The following LAS1L variants were observed in gnomAD, a reference collection of about 807,000 sequenced individuals.
LAS1L encodes the protein LAS1 like ribosome biogenesis factor.
Under a neutral mutation model 57.3 loss-of-function variants are expected in LAS1L, and 5 were observed. The observed-to-expected ratio is 0.09, with a 90% CI of 0.05 to 0.18. The LOEUF (loss-of-function observed/expected upper bound fraction) is 0.18. Among genes scored for constraint, LAS1L ranks in the 10% least tolerant of loss-of-function variants. The pLI, the probability that LAS1L is intolerant of heterozygous loss-of-function variation, is 1.00. For synonymous variants in LAS1L, 245 were observed against 231.7 expected, an observed-to-expected ratio of 1.06 and a Z score of -0.52; for missense variants, 360 against 568.3, an observed-to-expected ratio of 0.63 and a Z score of 3.73.
intron 4 of LAS1L, 61 bp downstream of exon 4, chrX:65,531,296 A>T (rs189656645): frequency 1.2e-6 from 1 of 869,231 alleles, no homozygotes; most frequent in East Asian, 3.2e-5. Context: ...CTCTACCCTC[A>T]GCGCCACCAA....
At chrX:65,523,256 A>G (rs2068954008) in intron 11 of LAS1L, 2 of 222,391 alleles carry the variant, frequency 9.0e-6, no homozygotes, top group Middle Eastern at 2.6e-3. Context: ...GGGTTCAATA[A>G]TAAACAGCAG....
intron 2 of LAS1L, among the ~76,000 whole-genome samples, chrX:65,533,101 T>G (rs772223913): frequency 2.1e-4 from 23 of 110,465 alleles, no homozygotes; most frequent in Non-Finnish European, 3.4e-4. Flanking sequence ...GCTAGAACCA[T>G]TATGAGTCAC....
In LAS1L at chrX:65,531,361, G is replaced by A; in HGVS notation, c.510C>T (p.Arg170=). ...GTATAACCTCTGAGGACTCACCTCT[G>A]CGGCAGTCATTTATATGGGGCATTT... The part of the protein sequence containing the change: ...HKKMPHINDC[R]RGCYFVLDWL... The change falls in exon 4 of 14, where the codon CGC becomes CGT. Residue 170 remains arginine, a synonymous_variant. Coordinates refer to ENST00000374811, the MANE Select transcript of LAS1L (RefSeq NM_031206.7). The A allele has an allele frequency of 8.3e-7, 1 of 1,201,005 alleles. No homozygotes were observed. The highest frequency in any genetic ancestry group is 1.1e-6 in the Non-Finnish European group (1 of 886,021).
intron 9 of LAS1L, 130 bp from the exon 10 acceptor site, chrX:65,524,392 G>A (rs1242116976): frequency 9.3e-6 from 5 of 540,525 alleles, no homozygotes; most frequent in African/African-American, 2.3e-5. Context: ...GCGCGCGCAT[G>A]AGCCAAGCCC....
chrX:65,532,335 C>A (rs1478700190), intron 3 of LAS1L, among the ~76,000 whole-genome samples: 3 of 112,903 alleles, frequency 2.7e-5, no homozygotes, highest in Admixed American at 9.3e-5. Context: ...ATTTGGGCTC[C>A]TCCCAGCAAG....
In LAS1L at chrX:65,512,877, G is replaced by A. The variant is rs1030921314; in HGVS notation, c.2103C>T (p.Val701=). 5.1e-6 allele frequency: 6 copies of A among 1,166,091 alleles called. No homozygotes were observed. Among genetic ancestry groups the A allele is most frequent in the East Asian group, 3.3e-5 (1 of 30,694 alleles). The change falls in exon 14 of 14, where the codon GTC becomes GTT. Residue 701 remains valine (V), a synonymous_variant. Coordinates refer to ENST00000374811, the MANE Select transcript of LAS1L (RefSeq NM_031206.7). ...KTDTLGLSCG[V]GSGNCSNSSS... is the part of the protein sequence containing the mutation. ...TGCTGTTGCTGCAGTTGCCACTGCC[G>A]ACACCACAGCTCAGGCCCAAGGTGC...
At position 65,514,991 on chromosome X, in the gene LAS1L, G is replaced by GTGGCAAGA. The variant is rs1426162811; in HGVS notation, c.1928-26_1928-19dup. 1.7e-6 allele frequency: 2 copies of GTGGCAAGA among 1,200,248 alleles called. No individual in the cohort carries two copies. Among genetic ancestry groups the GTGGCAAGA allele is most frequent in the Admixed American group, 4.4e-5 (2 of 45,477 alleles). On this transcript the variant is annotated intron_variant, in intron 12 of 13. Coordinates refer to ENST00000374811, the MANE Select transcript of LAS1L (RefSeq NM_031206.7). ...CACGTCTTCTGTGGAGCAAAGGGAA[G>GTGGCAAGA]TGGCAAGACTGGGCTGATGAGCTGG...
chrX:65,517,863 G>A, intron 12 of LAS1L, 124 bp downstream of exon 12: 1 of 1,075,724 alleles, frequency 9.3e-7, no homozygotes, highest in South Asian at 2.5e-5. Flanking sequence ...GCACCAGGCT[G>A]CCTTCCAGGC....
At chrX:65,518,685 C>A (rs2068736829) in intron 11 of LAS1L, 1 of 495,939 alleles carries the variant, frequency 2.0e-6, no homozygotes, top group South Asian at 1.0e-4. Context: ...AAAATGAGGA[C>A]AATAATGATA....
At chrX:65,515,406 T>C (rs2148262742) in intron 12 of LAS1L, among the ~76,000 whole-genome samples, 1 of 109,314 alleles carries the variant, frequency 9.1e-6, no homozygotes, top group South Asian at 4.0e-4. Context: ...CCAAAGCACC[T>C]CCCCCTCAAA....
At chrX:65,524,934 C>G (rs1248337419) in intron 8 of LAS1L, 31 bp downstream of exon 8, 1 of 1,158,953 alleles carries the variant, frequency 8.6e-7, no homozygotes. Flanking sequence ...AATCAGAACC[C>G]TAAGGGTGCA....
chrX:65,523,732 G>A (rs765849025), intron 10 of LAS1L, 25 bp from the exon 11 acceptor site: 26 of 1,154,800 alleles, frequency 2.3e-5, no homozygotes, highest in Middle Eastern at 2.4e-4. Context: ...AGGATCTAAG[G>A]AGAAGGAAGC....
In LAS1L at chrX:65,531,370, A is replaced by G. The variant is rs2069486463; in HGVS notation, c.501T>C (p.Asn167=). ...ELTHKKMPHI[N]DCRRGCYFVL... is the part of the protein sequence containing the mutation. ...CTGAGGACTCACCTCTGCGGCAGTC[A>G]TTTATATGGGGCATTTTCTTGTGGG... Residue 167 remains asparagine, a synonymous_variant, in exon 4 of 14, where the codon AAT becomes AAC. Coordinates refer to ENST00000374811, the MANE Select transcript of LAS1L (RefSeq NM_031206.7). The G allele has an allele frequency of 1.7e-6, 2 of 1,206,073 alleles. No individual in the cohort carries two copies. The highest frequency in any genetic ancestry group is 5.9e-5 in the East Asian group (2 of 33,807).
At position 65,518,320 on chromosome X, in the gene LAS1L, G is replaced by A. The variant is rs151108723; in HGVS notation, c.1594C>T (p.Leu532=). ...ASPIGKSPYT[L]DSLYWSVKPA... ...TTGACGCTCCAATACAGGCTGTCTA[G>A]TGTATATGGAGACTTCCCAATGGGG... The change falls in exon 12 of 14, where the codon CTA becomes TTA. Residue 532 remains leucine, a synonymous_variant. Transcript: ENST00000374811. 67 of 1,210,660 alleles carry A rather than the reference G, an allele frequency of 5.5e-5. No individual in the cohort carries two copies. The African/African-American group carries it at 8.0e-4, about 14-fold the overall frequency.
intron 13 of LAS1L, 21 bp from the exon 14 acceptor site, chrX:65,512,922 C>A (rs1602559498): frequency 8.6e-7 from 1 of 1,156,846 alleles, no homozygotes; most frequent in East Asian, 3.3e-5. Context: ...AGTGGGAGGT[C>A]AGTCAGGGAA....
chrX:65,519,956 T>TA (rs1017133872), intron 11 of LAS1L, among the ~76,000 whole-genome samples: 1 of 111,978 alleles, frequency 8.9e-6, no homozygotes, highest in Non-Finnish European at 1.9e-5. Context: ...CTTCCAGCTC[T>TA]AATCAGATGA....
At chrX:65,531,170 C>A (rs749762521) in intron 4 of LAS1L, among the ~76,000 whole-genome samples, 187 bp downstream of exon 4, 1 of 112,142 alleles carries the variant, frequency 8.9e-6, no homozygotes, top group East Asian at 2.8e-4. Context: ...TGTTATTTAT[C>A]TTGATTATGG....
chrX:65,533,546 C>A, intron 2 of LAS1L, 64 bp downstream of exon 2: 1 of 1,152,523 alleles, frequency 8.7e-7, no homozygotes, highest in Non-Finnish European at 1.2e-6. Context: ...TTTTGCTTAT[C>A]ACATGCCTCC....
rs1602585869 is a variant in LAS1L at position 65,518,144 on chromosome X, C to T, written c.1770G>A (p.Glu590=). ...EEEEENDDQE[E]EEEDEDDEDD... ...CTTCATCATCTTCATCCTCCTCTTCCTCCTCTTGGTCATCATTTTCTTCCT... is the reference window on the plus strand; with the variant it reads ...CTTCATCATCTTCATCCTCCTCTTCTTCCTCTTGGTCATCATTTTCTTCCT... Residue 590 remains glutamate (E), a synonymous_variant, in exon 12 of 14, where the codon GAG becomes GAA. Transcript: ENST00000374811. 1.2e-5 allele frequency: 14 copies of T among 1,199,982 alleles called. No individual in the cohort carries two copies. The highest frequency in any genetic ancestry group is 1.6e-5 in the Non-Finnish European group (14 of 884,773).
Sources: allele counts gnomAD v4.1 joint callset (sites outside exome capture counted in the v4.1 genomes callset), GRCh38; gene constraint gnomAD v4.1.1; transcripts MANE v1.5; gene names NCBI Gene and HGNC (gene_info 2026-07-23, HGNC 2026-07-21).